The following PSMA1 variants were observed in gnomAD, a reference collection of about 807,000 sequenced individuals.
The protein encoded by PSMA1 is proteasome subunit alpha type-1.
PSMA1 carries 3 observed loss-of-function variants against 38.4 expected under a neutral mutation model. That is an observed-to-expected ratio of 0.08 (90% CI 0.04 to 0.20). The LOEUF (loss-of-function observed/expected upper bound fraction) is 0.20. PSMA1 is among the 10% of genes least tolerant of loss of function. The pLI is 1.00. For synonymous variants in PSMA1, 101 were observed against 107.1 expected (o/e 0.94, Z 0.35); for missense variants, 227 against 325.3 (o/e 0.70, Z 2.32).
At chr11:14,559,965 T>C (rs970373147) in intron 2 of PSMA1, among the ~76,000 whole-genome samples, 3 of 152,158 alleles carry the variant, frequency 2.0e-5, no homozygotes, top group African/African-American at 7.2e-5. Context: ...TGGCCAATCC[T>C]ACAGGGAGCT....
chr11:14,638,529 CTCTCTCTCTCTCTCTCTATATATATATA>C (rs1249423431), intron 1 of PSMA1, among the ~76,000 whole-genome samples: 25 of 26,632 alleles, frequency 9.4e-4, no homozygotes, highest in Non-Finnish European at 1.4e-3. Flanking sequence ...CTCTCTCTCT[CTCTCTCTCTCTCTCTCTATATATATATA>C]TATATATATA....
intron 8 of PSMA1, among the ~76,000 whole-genome samples, chr11:14,508,809 T>C (rs1363412576): frequency 6.6e-6 from 1 of 152,178 alleles, no homozygotes; most frequent in Non-Finnish European, 1.5e-5. Context: ...AGGTCCTCAG[T>C]GACAACTTCA....
At chr11:14,603,614 G>A (rs1012873162) in intron 2 of PSMA1, among the ~76,000 whole-genome samples, 2 of 152,204 alleles carry the variant, frequency 1.3e-5, no homozygotes, top group African/African-American at 4.8e-5. Context: ...TCCATGCACA[G>A]ACTAAACATC....
chr11:14,578,743 A>G (rs1304293988), intron 2 of PSMA1, among the ~76,000 whole-genome samples: 2 of 152,198 alleles, frequency 1.3e-5, no homozygotes, highest in African/African-American at 2.4e-5. Flanking sequence ...GGTGACAAAC[A>G]AGAGCTGATA....
At chr11:14,581,459 A>C (rs1255932604) in intron 2 of PSMA1, among the ~76,000 whole-genome samples, 3 of 152,236 alleles carry the variant, frequency 2.0e-5, no homozygotes, top group Admixed American at 2.0e-4. Context: ...ATACCAGTAC[A>C]TACTTCATGA....
At chr11:14,521,310 G>T (rs12576125), upstream of PSMA1, among the ~76,000 whole-genome samples, 62,517 of 125,706 alleles carry the variant, frequency 0.5, 14,765 homozygotes, top group East Asian at 0.64. Flanking sequence ...ATAATAATAA[G>T]AATAAGAATA....
At chr11:14,631,552 C>A (rs1853011462) in intron 1 of PSMA1, among the ~76,000 whole-genome samples, 1 of 152,058 alleles carries the variant, frequency 6.6e-6, no homozygotes, top group Non-Finnish European at 1.5e-5. Context: ...AATTTCTGTT[C>A]TTTTACATTT....
At chr11:14,573,185 C>A (rs1388147382) in intron 2 of PSMA1, among the ~76,000 whole-genome samples, 1 of 152,154 alleles carries the variant, frequency 6.6e-6, no homozygotes, top group Non-Finnish European at 1.5e-5. Flanking sequence ...CATCCTGATA[C>A]CAAGCCTGGC....
rs528841865 is a variant in PSMA1, at chr11:14,560,966, A to G, written c.22-41925T>C. 5.9e-5 allele frequency among the ~76,000 whole-genome samples: 9 copies of G among 152,360 alleles called. No homozygotes were observed. In the South Asian group the frequency reaches 1.4e-3, roughly 25 times the overall value. ...CGATATGCAAGCATAAAATATATGA[A>G]AGGAAAATTTTAACAGCAGTTAACC... On this transcript the variant is annotated intron_variant, in intron 2 of 10. Transcript: ENST00000418988.
At chr11:14,599,477 T>G (rs1233613515) in intron 2 of PSMA1, among the ~76,000 whole-genome samples, 2 of 152,238 alleles carry the variant, frequency 1.3e-5, no homozygotes. Flanking sequence ...TCTCACTTTA[T>G]TTCATTAATT....
At chr11:14,616,802 C>T (rs376183505) in intron 1 of PSMA1, among the ~76,000 whole-genome samples, 1 of 152,128 alleles carries the variant, frequency 6.6e-6, no homozygotes, top group Non-Finnish European at 1.5e-5. Context: ...GACCCAAAGT[C>T]TCATGGCTAT....
At chr11:14,550,715 C>T (rs552518708) in intron 2 of PSMA1, among the ~76,000 whole-genome samples, 95 of 151,714 alleles carry the variant, frequency 6.3e-4, no homozygotes, top group Admixed American at 3.6e-3. Context: ...TTTTTGCTGA[C>T]GTGAGTGATG....
chr11:14,559,904 A>T (rs985152703), intron 2 of PSMA1, among the ~76,000 whole-genome samples: 37 of 152,124 alleles, frequency 2.4e-4, no homozygotes, highest in African/African-American at 8.9e-4. Context: ...TGAAGGAAGT[A>T]GGATTGGCTA....
intron 1 of PSMA1, among the ~76,000 whole-genome samples, chr11:14,642,912 T>TC (rs1300889855): frequency 2.0e-5 from 3 of 152,014 alleles, no homozygotes; most frequent in African/African-American, 7.3e-5. Flanking sequence ...TTCTCTCCGC[T>TC]CCCCCATCTA....
At chr11:14,535,942 C>T (rs1178246295) in intron 2 of PSMA1, among the ~76,000 whole-genome samples, 2 of 152,128 alleles carry the variant, frequency 1.3e-5, no homozygotes, top group Non-Finnish European at 2.9e-5. Flanking sequence ...ATCCCCAAAT[C>T]ATGCTTCGAG....
At chr11:14,514,533 G>C (rs1851396088) in intron 4 of PSMA1, 42 bp from the exon 5 acceptor site, 1 of 1,384,158 alleles carries the variant, frequency 7.2e-7, no homozygotes. Flanking sequence ...TCAAATTATA[G>C]ACAACTATTC....
chr11:14,575,004 A>G (rs1589996923), intron 2 of PSMA1, among the ~76,000 whole-genome samples: 1 of 152,194 alleles, frequency 6.6e-6, no homozygotes, highest in Non-Finnish European at 1.5e-5. Context: ...AAACTTTAGC[A>G]CTTCCTAGAG....
chr11:14,551,654 A>C (rs1342331881), intron 2 of PSMA1, among the ~76,000 whole-genome samples: 1 of 152,180 alleles, frequency 6.6e-6, no homozygotes, highest in Non-Finnish European at 1.5e-5. Context: ...CATGATGTGA[A>C]TGTCCCTATT....
At chr11:14,512,234 C>T (rs1356226245) in intron 7 of PSMA1, among the ~76,000 whole-genome samples, 2 of 152,010 alleles carry the variant, frequency 1.3e-5, no homozygotes, top group African/African-American at 2.4e-5. Flanking sequence ...ATTAGCCAGG[C>T]GTGGTGGCGC....
Sources: allele counts gnomAD v4.1 joint callset (sites outside exome capture counted in the v4.1 genomes callset), GRCh38; gene constraint gnomAD v4.1.1; transcripts MANE v1.5; gene names NCBI Gene and HGNC (gene_info 2026-07-23, HGNC 2026-07-21).